COLGALT2: variants seen among roughly 807,000 people sequenced by gnomAD.
COLGALT2 encodes the protein procollagen galactosyltransferase 2.
A neutral mutation model predicts 73.4 loss-of-function variants in COLGALT2; 49 were observed. That is an observed-to-expected ratio of 0.67 (90% confidence interval 0.53 to 0.85). COLGALT2 has a LOEUF of 0.85. Among genes scored for constraint, COLGALT2 ranks in the 40% least tolerant of loss-of-function variants. The pLI is 0.00. For missense variants in COLGALT2, 722 were observed against 790.2 expected (o/e 0.91, Z 1.03); for synonymous variants, 295 against 307.6 (o/e 0.96, Z 0.43).
intron 1 of COLGALT2, among the ~76,000 whole-genome samples, chr1:184,033,738 G>T (rs1343899934): frequency 6.6e-6 from 1 of 152,106 alleles, no homozygotes; most frequent in Non-Finnish European, 1.5e-5. Flanking sequence ...ACATAACAGG[G>T]GAGTCTGAAT....
In COLGALT2 at chr1:184,037,217, C is replaced by G; in HGVS notation, c.141G>C (p.Glu47Asp). ...DDGEEPVVFP[E>D]SPLQSPTVLV... is the part of the protein sequence containing the mutation. ...GCACCGTGGGGCTCTGCAGGGGCGA[C>G]TCCGGGAAAACCACCGGCTCCTCTC... Residue 47 changes from glutamate (E) to aspartate (D), a missense_variant, in exon 1 of 12, where the codon GAG becomes GAC. Coordinates refer to ENST00000361927, the MANE Select transcript of COLGALT2 (RefSeq NM_015101.4). 2.5e-6 allele frequency: 4 copies of G among 1,602,410 alleles called. No homozygotes were observed. The highest frequency in any genetic ancestry group is 3.4e-6 in the Non-Finnish European group (4 of 1,176,110).
At chr1:183,994,056 T>G in intron 1 of COLGALT2, among the ~76,000 whole-genome samples, 1 of 106,160 alleles carries the variant, frequency 9.4e-6, no homozygotes, top group South Asian at 3.2e-4. Context: ...TTTTTTTTTT[T>G]GAGACAGAGT....
chr1:183,996,550 G>A (rs1001197408), intron 1 of COLGALT2, among the ~76,000 whole-genome samples: 6 of 152,212 alleles, frequency 3.9e-5, no homozygotes, highest in African/African-American at 1.4e-4. Flanking sequence ...TCTATCCTCA[G>A]ACAAAAGTAA....
At chr1:183,984,127 G>A (rs1245144818) in intron 1 of COLGALT2, among the ~76,000 whole-genome samples, 1 of 152,250 alleles carries the variant, frequency 6.6e-6, no homozygotes, top group Non-Finnish European at 1.5e-5. Flanking sequence ...ACCAAGGAAA[G>A]GCTGGACACA....
At chr1:183,992,001 G>A (rs1035541900) in intron 1 of COLGALT2, among the ~76,000 whole-genome samples, 2 of 152,144 alleles carry the variant, frequency 1.3e-5, no homozygotes, top group African/African-American at 2.4e-5. Flanking sequence ...GCATATAGAT[G>A]TGTTGCTGTT....
chr1:183,997,032 G>A (rs7519097), intron 1 of COLGALT2, among the ~76,000 whole-genome samples: 49,448 of 152,030 alleles, frequency 0.33, 11,049 homozygotes, highest in African/African-American at 0.63. Context: ...AATTCATGGC[G>A]TGGATCAGGG....
intron 1 of COLGALT2, among the ~76,000 whole-genome samples, chr1:183,988,035 T>A (rs890782300): frequency 3.9e-5 from 6 of 152,196 alleles, no homozygotes; most frequent in Non-Finnish European, 2.9e-5. Context: ...TATCCACACA[T>A]GCTCAGGGCA....
At chr1:183,957,671 C>T (rs761084957) in intron 6 of COLGALT2, among the ~76,000 whole-genome samples, 1 of 151,794 alleles carries the variant, frequency 6.6e-6, no homozygotes, top group South Asian at 2.1e-4. Context: ...CCGCACAGCT[C>T]TGTTCTCAAC....
Position 183,969,375 on chromosome 1 carries a change from G to A in COLGALT2, c.726C>T (p.Asp242=), listed in dbSNP as rs1030206762. The change falls in exon 5 of 12, where the codon GAC becomes GAT. Residue 242 remains aspartate, a synonymous_variant. Coordinates refer to ENST00000361927, the MANE Select transcript of COLGALT2 (RefSeq NM_015101.4). ...GCTTGTCCGAGGCCTCCTTCCTGAGGTCAATTAGGAAGGTGGAGTGGACCA... is the reference window on the plus strand; with the variant it reads ...GCTTGTCCGAGGCCTCCTTCCTGAGATCAATTAGGAAGGTGGAGTGGACCA... ...VPMVHSTFLI[D]LRKEASDKLT... The A allele has an allele frequency of 1.2e-6, 2 of 1,613,788 alleles. No individual in the cohort carries two copies. Among genetic ancestry groups the A allele is most frequent in the Admixed American group, 1.7e-5 (1 of 59,978 alleles).
chr1:183,995,561 C>T (rs1353408257), intron 1 of COLGALT2, among the ~76,000 whole-genome samples: 4 of 152,212 alleles, frequency 2.6e-5, no homozygotes, highest in Non-Finnish European at 5.9e-5. Context: ...CCTCCGGAAG[C>T]CAGAGCCACG....
chr1:183,941,257 G>A (rs1248772699), intron 10 of COLGALT2, among the ~76,000 whole-genome samples: 1 of 152,176 alleles, frequency 6.6e-6, no homozygotes, highest in African/African-American at 2.4e-5. Flanking sequence ...AATAAGCTGG[G>A]GGAAAGAGTC....
intron 6 of COLGALT2, among the ~76,000 whole-genome samples, chr1:183,955,866 T>C (rs897428944): frequency 2.6e-5 from 4 of 152,216 alleles, no homozygotes; most frequent in African/African-American, 9.6e-5. Flanking sequence ...AGGAGAGGAA[T>C]ACACTCTCTT....
intron 5 of COLGALT2, among the ~76,000 whole-genome samples, chr1:183,965,031 T>C (rs1177526831): frequency 6.6e-6 from 1 of 152,234 alleles, no homozygotes; most frequent in East Asian, 1.9e-4. Context: ...CAGGTGAAGC[T>C]GTCTCATGGC....
intron 4 of COLGALT2, 94 bp from the exon 5 acceptor site, chr1:183,969,567 C>A: frequency 9.0e-7 from 1 of 1,108,994 alleles, no homozygotes; most frequent in East Asian, 2.6e-5. Flanking sequence ...AAGTCATTAC[C>A]AGCTATATAC....
At position 183,975,094 on chromosome 1, in the gene COLGALT2, T is replaced by C. The variant is rs745632880; in HGVS notation, c.492+3A>G. ...TGTCAAGAAATCAAACATCTGTTTT[T>C]ACCAGAATGTAGTCTGACCATTTTT... is the stretch of plus-strand genomic sequence containing the variant. On this transcript the variant is annotated splice_donor_region_variant and intron_variant, in intron 3 of 11. Coordinates refer to ENST00000361927, the MANE Select transcript of COLGALT2 (RefSeq NM_015101.4). 3.1e-6 allele frequency: 5 copies of C among 1,599,596 alleles called. No individual in the cohort carries two copies. The highest frequency in any genetic ancestry group is 4.3e-6 in the Non-Finnish European group (5 of 1,166,954).
chr1:183,948,579 G>C (rs542818756), intron 8 of COLGALT2, among the ~76,000 whole-genome samples: 1 of 152,152 alleles, frequency 6.6e-6, no homozygotes, highest in Non-Finnish European at 1.5e-5. Context: ...CCTCAACCCA[G>C]TAAAGGCCAT....
chr1:183,939,812 T>A (rs1670059519), intron 11 of COLGALT2, among the ~76,000 whole-genome samples: 1 of 152,222 alleles, frequency 6.6e-6, no homozygotes, highest in Non-Finnish European at 1.5e-5. Flanking sequence ...GAACGAATGC[T>A]GCTCCATCAA....
intron 1 of COLGALT2, among the ~76,000 whole-genome samples, chr1:184,000,789 G>A (rs1671897967): frequency 6.7e-6 from 1 of 149,092 alleles, no homozygotes; most frequent in Non-Finnish European, 1.5e-5. Context: ...GTTGCTAGGT[G>A]TACAATTCTA....
rs1433574604 is a variant in COLGALT2, at chr1:183,938,193, TAAG to T, written c.*565_*567del. The T allele has an allele frequency of 1.0e-6, 1 of 955,384 alleles. No homozygotes were observed. The highest frequency in any genetic ancestry group is 1.2e-6 in the Non-Finnish European group (1 of 816,216). 59.2% of individuals were successfully genotyped at this position (955,384 alleles called of 1,614,324 possible). A position where few individuals can be genotyped will look rare whatever the true frequency, so the allele number is the denominator to read the frequency against. ...CCCACCCCTACTGGATAACAGGGAC[TAAG>T]ATTTTTTTTTTTTAAAAAATCTACT... is the stretch of plus-strand genomic sequence containing the variant. On this transcript the variant is annotated 3_prime_UTR_variant, in exon 12 of 12. Transcript: ENST00000361927.
Sources: allele counts gnomAD v4.1 joint callset (sites outside exome capture counted in the v4.1 genomes callset), GRCh38; gene constraint gnomAD v4.1.1; transcripts MANE v1.5; gene names NCBI Gene and HGNC (gene_info 2026-07-23, HGNC 2026-07-21).